The following TFF1 variants were observed in gnomAD, a reference collection of about 807,000 sequenced individuals.
The protein encoded by TFF1 is trefoil factor 1, also known as breast cancer estrogen-inducible protein.
TFF1 carries 8 observed loss-of-function variants against 7.7 expected under a neutral mutation model. The ratio of observed to expected loss-of-function variants is 1.04; its 90% CI spans 0.61 to 1.87. The LOEUF is 1.87. TFF1 is among the 40% of genes most tolerant of loss of function. The probability of loss-of-function intolerance (pLI) is 0.00; values close to 1 mark genes in which losing one functional copy is unlikely to be tolerated. For synonymous variants in TFF1, 47 were observed against 44.8 expected (o/e 1.05, Z -0.19); for missense variants, 120 against 113.4 (o/e 1.06, Z -0.26).
In TFF1 at chr21:42,364,463, G is replaced by A. The variant is rs1301773194; in HGVS notation, c.86-1056C>T. On this transcript the variant is annotated intron_variant, in intron 1 of 2. Coordinates refer to ENST00000291527, the MANE Select transcript of TFF1 (RefSeq NM_003225.3). ...GCAGGGCAGTGAGGAAAGGGATCTA[G>A]AGGAGGAAGACACGTGGACAGATGG... Among the ~76,000 whole-genome samples, 3 of 152,226 alleles carry A rather than the reference G, an allele frequency of 2.0e-5. No individual in the cohort carries two copies. The East Asian group carries it at 5.8e-4, about 29-fold the overall frequency.
intron 1 of TFF1, among the ~76,000 whole-genome samples, chr21:42,365,395 C>A (rs1046007391): frequency 6.6e-6 from 1 of 152,162 alleles, no homozygotes; most frequent in Non-Finnish European, 1.5e-5. Flanking sequence ...CCCCCGCTCC[C>A]TGCCATGGGC....
chr21:42,365,073 T>C (rs1290172072), intron 1 of TFF1, among the ~76,000 whole-genome samples: 2 of 152,136 alleles, frequency 1.3e-5, no homozygotes, highest in Non-Finnish European at 2.9e-5. Flanking sequence ...CTTTGTCGCA[T>C]GATGGAAATA....
intron 1 of TFF1, among the ~76,000 whole-genome samples, chr21:42,363,859 A>C (rs1195511432): frequency 6.6e-6 from 1 of 152,160 alleles, no homozygotes; most frequent in East Asian, 1.9e-4. Flanking sequence ...TAATCCCAGC[A>C]CTTTGGGAGG....
At chr21:42,364,273 G>A (rs992042684) in intron 1 of TFF1, among the ~76,000 whole-genome samples, 1 of 152,166 alleles carries the variant, frequency 6.6e-6, no homozygotes, top group Non-Finnish European at 1.5e-5. Flanking sequence ...GGGGCTCCCT[G>A]CAGGAGGAGG....
Position 42,362,379 on chromosome 21 carries a change from G to T in TFF1, c.*100C>A. The T allele has an allele frequency of 7.3e-7, 1 of 1,373,064 alleles. No homozygotes were observed. Among genetic ancestry groups the T allele is most frequent in the Non-Finnish European group, 1.0e-6 (1 of 997,054 alleles). 85.1% of individuals were successfully genotyped at this position (1,373,064 alleles called of 1,614,324 possible). A position where few individuals can be genotyped will look rare whatever the true frequency, so the allele number is the denominator to read the frequency against. ...AGCCGAGGCACAGCTGCAGAAGCGT[G>T]TCTGAGGTGTCCGGTGGAGGTGGCA... On this transcript the variant is annotated 3_prime_UTR_variant, in exon 3 of 3. Coordinates refer to ENST00000291527, the MANE Select transcript of TFF1 (RefSeq NM_003225.3).
intron 2 of TFF1, 71 bp from the exon 3 acceptor site, chr21:42,362,566 A>T: frequency 6.7e-7 from 1 of 1,494,048 alleles, no homozygotes; most frequent in South Asian, 1.3e-5. Context: ...CATTTAAACA[A>T]TTACAGAGTT....
chr21:42,365,513 CA>C (rs1434945137), intron 1 of TFF1, among the ~76,000 whole-genome samples: 2 of 152,224 alleles, frequency 1.3e-5, no homozygotes, highest in African/African-American at 4.8e-5. Context: ...GGCTGGAGGG[CA>C]GTGGGGGCAC....
chr21:42,365,720 C>T (rs2052274343), intron 1 of TFF1, among the ~76,000 whole-genome samples: 2 of 152,228 alleles, frequency 1.3e-5, no homozygotes. Context: ...CTAGGGCAGA[C>T]CGTTGATCCA....
Position 42,363,271 on chromosome 21 carries a change from G to A in TFF1, c.222C>T (p.Ile74=), listed in dbSNP as rs61735845. 21,280 of 1,614,096 alleles carry A rather than the reference G, an allele frequency of 0.013. 440 individuals are homozygous for A. Among genetic ancestry groups the A allele is most frequent in the African/African-American group, 0.09 (6,782 of 75,008 alleles). Residue 74 remains isoleucine, a synonymous_variant, in exon 2 of 3, where the codon ATC becomes ATT. Coordinates refer to ENST00000291527, the MANE Select transcript of TFF1 (RefSeq NM_003225.3). ...AGGCCATACCTTCTGGAGGGACGTC[G>A]ATGGTATTAGGATAGAAGCACCAGG... ...GVPWCFYPNT[I]DVPPEEECEF
In TFF1 at chr21:42,363,273, T is replaced by A. The variant is rs774019306; in HGVS notation, c.220A>T (p.Ile74Phe). Residue 74 changes from isoleucine to phenylalanine, a missense_variant, in exon 2 of 3, where the codon ATC becomes TTC. By Grantham distance (21) the Ile-to-Phe change is conservative. Transcript: ENST00000291527. ...GVPWCFYPNT[I>F]DVPPEEECEF ...GCCATACCTTCTGGAGGGACGTCGATGGTATTAGGATAGAAGCACCAGGGG... is the reference window on the plus strand; with the variant it reads ...GCCATACCTTCTGGAGGGACGTCGAAGGTATTAGGATAGAAGCACCAGGGG... 37 of 1,614,048 alleles carry A rather than the reference T, an allele frequency of 2.3e-5. No individual in the cohort carries two copies. In the Admixed American group the frequency reaches 2.7e-4, roughly 12 times the overall value.
chr21:42,363,470 A>G, intron 1 of TFF1, 63 bp from the exon 2 acceptor site: 2 of 1,549,884 alleles, frequency 1.3e-6, no homozygotes, highest in East Asian at 2.3e-5. Context: ...GTTATCATGC[A>G]CACACCCATC....
chr21:42,362,591 T>C (rs2146404243), intron 2 of TFF1, 96 bp from the exon 3 acceptor site: 2 of 1,382,890 alleles, frequency 1.4e-6, no homozygotes, highest in Non-Finnish European at 2.0e-6. Flanking sequence ...CTTTAAAGTA[T>C]CCATAGGCAC....
At chr21:42,365,542 G>T (rs913220999) in intron 1 of TFF1, among the ~76,000 whole-genome samples, 7 of 152,064 alleles carry the variant, frequency 4.6e-5, no homozygotes, top group African/African-American at 1.4e-4. Context: ...ACCACTGGGC[G>T]CTCCCTCTTC....
rs540879522 is a variant in TFF1 at position 42,362,473 on chromosome 21, A to G, written c.*6T>C. ...TCAGGATGCAGGCAGATCCCTGCAG[A>G]AGTGTCTAAAATTCACACTCCTCTA... is the stretch of plus-strand genomic sequence containing the variant. On this transcript the variant is annotated 3_prime_UTR_variant, in exon 3 of 3. Transcript: ENST00000291527. 1.9e-6 allele frequency: 3 copies of G among 1,585,236 alleles called. No homozygotes were observed. Among genetic ancestry groups the G allele is most frequent in the African/African-American group, 2.7e-5 (2 of 74,172 alleles).
chr21:42,364,258 G>A (rs1206635071), intron 1 of TFF1, among the ~76,000 whole-genome samples: 1 of 152,204 alleles, frequency 6.6e-6, no homozygotes, highest in Non-Finnish European at 1.5e-5. Flanking sequence ...GTTGAACAAA[G>A]CAGGGGGGCT....
chr21:42,365,861 C>T (rs935627852), intron 1 of TFF1, among the ~76,000 whole-genome samples: 3 of 152,174 alleles, frequency 2.0e-5, no homozygotes, highest in Admixed American at 6.5e-5. Context: ...TTGCCAGCCA[C>T]GCACTCATGA....
chr21:42,365,293 C>T (rs533420176), intron 1 of TFF1, among the ~76,000 whole-genome samples: 5 of 151,470 alleles, frequency 3.3e-5, no homozygotes, highest in Admixed American at 6.6e-5. Flanking sequence ...GGGGCAAGGG[C>T]GCAGGCAGAT....
In TFF1 at chr21:42,363,138, C is replaced by T. The variant is rs562821428; in HGVS notation, c.238+117G>A. ...GGCTACCCCATTGCACCACCACTGGCGGCCGTGACTCTGTGTAAAGGCATA... is the reference window on the plus strand; with the variant it reads ...GGCTACCCCATTGCACCACCACTGGTGGCCGTGACTCTGTGTAAAGGCATA... On this transcript the variant is annotated intron_variant, in intron 2 of 2. Coordinates refer to ENST00000291527, the MANE Select transcript of TFF1 (RefSeq NM_003225.3). The T allele has an allele frequency of 3.9e-5, 53 of 1,356,594 alleles. No homozygotes were observed. The African/African-American group carries it at 5.8e-4, about 15-fold the overall frequency. 84.0% of individuals were successfully genotyped at this position (1,356,594 alleles called of 1,614,324 possible). A position where few individuals can be genotyped will look rare whatever the true frequency, so the allele number is the denominator to read the frequency against.
At position 42,363,268 on chromosome 21, in the gene TFF1, G is replaced by A. The variant is rs142072140; in HGVS notation, c.225C>T (p.Asp75=). The A allele has an allele frequency of 9.9e-6, 16 of 1,614,022 alleles. No individual in the cohort carries two copies. Among genetic ancestry groups the A allele is most frequent in the Middle Eastern group, 1.6e-4 (1 of 6,084 alleles). Residue 75 remains aspartate, a synonymous_variant, in exon 2 of 3, where the codon GAC becomes GAT. Transcript: ENST00000291527. The stretch of plus-strand genomic sequence containing the variant: ...AAAAGGCCATACCTTCTGGAGGGAC[G>A]TCGATGGTATTAGGATAGAAGCACC... ...VPWCFYPNTI[D]VPPEEECEF
Sources: allele counts gnomAD v4.1 joint callset (sites outside exome capture counted in the v4.1 genomes callset), GRCh38; gene constraint gnomAD v4.1.1; transcripts MANE v1.5; gene names NCBI Gene and HGNC (gene_info 2026-07-23, HGNC 2026-07-21).